Variants in KCNH8 observed in about 807,000 individuals in gnomAD.
KCNH8 encodes voltage-gated delayed rectifier potassium channel KCNH8.
A neutral mutation model predicts 103.6 loss-of-function variants in KCNH8; 70 were observed. The ratio of observed to expected loss-of-function variants is 0.68; its 90% CI spans 0.56 to 0.82. KCNH8 has a LOEUF of 0.82. Ranked by LOEUF, KCNH8 falls within the 40% of genes least tolerant of loss-of-function variation. The probability of loss-of-function intolerance (pLI) is 0.00; values close to 1 mark genes in which losing one functional copy is unlikely to be tolerated. For synonymous variants in KCNH8, 498 were observed against 489.4 expected (o/e 1.02, Z -0.23); for missense variants, 1,217 against 1,329.9 (o/e 0.92, Z 1.32).
At chr3:19,270,141 T>C (rs1167616147) in intron 2 of KCNH8, among the ~76,000 whole-genome samples, 5 of 152,196 alleles carry the variant, frequency 3.3e-5, no homozygotes, top group African/African-American at 1.2e-4. Context: ...TTTTTCTAAA[T>C]GAAGTTTTAC....
intron 1 of KCNH8, among the ~76,000 whole-genome samples, chr3:19,196,383 A>G (rs1372211479): frequency 6.6e-6 from 1 of 151,930 alleles, no homozygotes. Flanking sequence ...CTCTAATCCA[A>G]TATCATAGGT....
chr3:19,302,333 C>G (rs2065073548), intron 3 of KCNH8, among the ~76,000 whole-genome samples: 1 of 152,140 alleles, frequency 6.6e-6, no homozygotes. Context: ...TGCCAGGAAC[C>G]AGAGAGGAAG....
intron 1 of KCNH8, among the ~76,000 whole-genome samples, chr3:19,158,850 A>G (rs368155161): frequency 1.3e-5 from 2 of 152,056 alleles, no homozygotes; most frequent in South Asian, 4.1e-4. Flanking sequence ...CTGGTCTTAA[A>G]TAATAAAAAT....
intron 5 of KCNH8, among the ~76,000 whole-genome samples, chr3:19,372,061 G>C (rs1329292375): frequency 6.6e-6 from 1 of 152,148 alleles, no homozygotes; most frequent in Non-Finnish European, 1.5e-5. Flanking sequence ...CTCCAGGTTT[G>C]TTCTTTTGGC....
At chr3:19,398,741 G>C (rs1357351833) in intron 7 of KCNH8, among the ~76,000 whole-genome samples, 1 of 151,832 alleles carries the variant, frequency 6.6e-6, no homozygotes, top group African/African-American at 2.4e-5. Flanking sequence ...CATATATAAA[G>C]CATTTATATT....
intron 3 of KCNH8, among the ~76,000 whole-genome samples, chr3:19,288,485 G>GT (rs2064869467): frequency 6.6e-6 from 1 of 151,628 alleles, no homozygotes; most frequent in African/African-American, 2.4e-5. Context: ...ATGGTGTTTG[G>GT]TTTTTTGTCC....
intron 5 of KCNH8, among the ~76,000 whole-genome samples, chr3:19,386,976 T>C (rs574877924): frequency 6.6e-6 from 1 of 152,262 alleles, no homozygotes; most frequent in Non-Finnish European, 1.5e-5. Flanking sequence ...TGTGCTTCCT[T>C]CACTTTCAAA....
chr3:19,534,163 CTTTTTGCCTCTGG>C lies in KCNH8; in HGVS notation c.*66_*78del. The C allele has an allele frequency of 4.8e-6, 6 of 1,246,538 alleles. No homozygotes were observed. The highest frequency in any genetic ancestry group is 5.7e-6 in the Non-Finnish European group (5 of 884,270). The allele number at this position is 1,246,538 out of a possible 1,614,324, so 77.2% of individuals were successfully genotyped here. A position where few individuals can be genotyped will look rare whatever the true frequency, so the allele number is the denominator to read the frequency against. On this transcript the variant is annotated 3_prime_UTR_variant, in exon 16 of 16. Transcript: ENST00000328405. ...CCACTGCATGACAGTTTTAGTTTGC[CTTTTTGCCTCTGG>C]TGGGCATGAAGACTGAGCAAAGCTG...
rs568579627 is a variant in KCNH8 at position 19,354,631 on chromosome 3, A to G, written c.811+6666A>G. ...ACCTGAGAAAAACAAGCAATGGGGA[A>G]AGGATTCCCTATTTAATAAATGGTG... On this transcript the variant is annotated intron_variant, in intron 5 of 15. Coordinates refer to ENST00000328405, the MANE Select transcript of KCNH8 (RefSeq NM_144633.3). 2.3e-3 allele frequency among the ~76,000 whole-genome samples: 356 copies of G among 152,320 alleles called. 4 individuals carry two copies. Among genetic ancestry groups the G allele is most frequent in the African/African-American group, 8.1e-3 (336 of 41,578 alleles).
chr3:19,237,467 A>G (rs2125242445), intron 1 of KCNH8, among the ~76,000 whole-genome samples: 1 of 152,346 alleles, frequency 6.6e-6, no homozygotes, highest in South Asian at 2.1e-4. Flanking sequence ...GTGCTGGTTT[A>G]TAAAACCCTC....
intron 7 of KCNH8, among the ~76,000 whole-genome samples, chr3:19,435,168 T>G (rs887365600): frequency 6.6e-6 from 1 of 152,122 alleles, no homozygotes; most frequent in Admixed American, 6.5e-5. Context: ...ATATACAATT[T>G]TTGTTTATCA....
At chr3:19,291,419 G>A (rs1397023088) in intron 3 of KCNH8, among the ~76,000 whole-genome samples, 1 of 152,140 alleles carries the variant, frequency 6.6e-6, no homozygotes, top group Non-Finnish European at 1.5e-5. Flanking sequence ...CTTTGAATGT[G>A]TCCCAAAGAC....
In KCNH8 at chr3:19,513,246, CATA is replaced by C. The variant is rs758573553; in HGVS notation, c.2361_2363del (p.Asn787del). ...CAAGCAGGAAATTGACCCCCCCAAC[CATA>C]ATAAAAGGAAAGAGAAGAACTTGAA... On this transcript the variant is annotated inframe_deletion, in exon 13 of 16. Transcript: ENST00000328405. The C allele has an allele frequency of 3.1e-6, 5 of 1,613,794 alleles. No individual in the cohort carries two copies. The East Asian group carries it at 6.7e-5, about 22-fold the overall frequency.
intron 3 of KCNH8, among the ~76,000 whole-genome samples, chr3:19,285,238 A>C (rs112933748): frequency 7.9e-4 from 121 of 152,272 alleles, no homozygotes; most frequent in Middle Eastern, 3.4e-3. Flanking sequence ...AATTCAAAAA[A>C]TATTTATTGA....
intron 7 of KCNH8, among the ~76,000 whole-genome samples, chr3:19,423,932 G>A (rs141249922): frequency 6.6e-6 from 1 of 151,894 alleles, no homozygotes; most frequent in African/African-American, 2.4e-5. Context: ...CATGACATTT[G>A]TGCCAGCATC....
At position 19,234,709 on chromosome 3, in the gene KCNH8, G is replaced by A. The variant is rs7626532; in HGVS notation, c.77-18945G>A. Among the ~76,000 whole-genome samples the A allele has an allele frequency of 9.8e-4, 150 of 152,382 alleles. 1 individual carries two copies. The highest frequency in any genetic ancestry group is 3.0e-3 in the African/African-American group (123 of 41,600). On this transcript the variant is annotated intron_variant, in intron 1 of 15. Transcript: ENST00000328405. ...GGGCTCCACAGTGCAGCGGCGGGCT[G>A]AAGGGCTCCTCAAGTGCCGCCAAAG...
intron 11 of KCNH8, among the ~76,000 whole-genome samples, chr3:19,480,884 T>C (rs1195832843): frequency 6.6e-6 from 1 of 152,190 alleles, no homozygotes; most frequent in Admixed American, 6.5e-5. Context: ...CCCACTGTAT[T>C]CACAAAGTGA....
chr3:19,464,630 G>A (rs991973887), intron 11 of KCNH8, among the ~76,000 whole-genome samples: 3 of 152,032 alleles, frequency 2.0e-5, no homozygotes, highest in Non-Finnish European at 4.4e-5. Context: ...ACATATATTT[G>A]AAAAAGAAAG....
rs71055060 is a variant in KCNH8 at position 19,258,947 on chromosome 3, CTATATATATA to C, written c.310+5086_310+5095del. Among the ~76,000 whole-genome samples, 188 of 24,774 alleles carry C rather than the reference CTATATATATA, an allele frequency of 7.6e-3. 3 individuals are homozygous for C. Among genetic ancestry groups the C allele is most frequent in the African/African-American group, 0.021 (144 of 6,710 alleles). 16.3% of individuals were successfully genotyped at this position (24,774 alleles called of 152,430 possible). ...TCTCTCTCTCTCTCTCTCTCTCTCTCTATATATATATATATATATATATATATATATATAT... is the reference window on the plus strand; with the variant it reads ...TCTCTCTCTCTCTCTCTCTCTCTCTCTATATATATATATATATATATATAT... On this transcript the variant is annotated intron_variant, in intron 2 of 15. Coordinates refer to ENST00000328405, the MANE Select transcript of KCNH8 (RefSeq NM_144633.3).
Sources: allele counts gnomAD v4.1 joint callset (sites outside exome capture counted in the v4.1 genomes callset), GRCh38; gene constraint gnomAD v4.1.1; transcripts MANE v1.5; gene names NCBI Gene and HGNC (gene_info 2026-07-23, HGNC 2026-07-21).